The following ATP8B4 variants were observed in gnomAD, a reference collection of about 807,000 sequenced individuals.
The protein encoded by ATP8B4 is probable phospholipid-transporting ATPase IM.
In ATP8B4, 133 loss-of-function variants were observed where a neutral mutation model predicts 145.6. That is an observed-to-expected ratio of 0.91 (90% CI 0.79 to 1.05). The LOEUF (loss-of-function observed/expected upper bound fraction) is 1.05. ATP8B4 is among the 50% of genes least tolerant of loss of function. The pLI, the probability that ATP8B4 is intolerant of heterozygous loss-of-function variation, is 0.00. For synonymous variants in ATP8B4, 507 were observed against 492.9 expected (o/e 1.03, Z -0.38); for missense variants, 1,458 against 1,425.2 (o/e 1.02, Z -0.37).
intron 3 of ATP8B4, among the ~76,000 whole-genome samples, chr15:50,068,887 CTT>C (rs1200276936): frequency 1.3e-5 from 2 of 152,248 alleles, no homozygotes; most frequent in East Asian, 3.9e-4. Flanking sequence ...TAAGCTAACA[CTT>C]TTTCTGATCT....
intron 20 of ATP8B4, among the ~76,000 whole-genome samples, chr15:49,914,234 T>A (rs183051451): frequency 6.6e-6 from 1 of 152,022 alleles, no homozygotes; most frequent in Non-Finnish European, 1.5e-5. Context: ...AGAACAGACA[T>A]CCTCTTCAAT....
At chr15:49,907,084 G>A (rs893753491) in intron 20 of ATP8B4, among the ~76,000 whole-genome samples, 1 of 152,190 alleles carries the variant, frequency 6.6e-6, no homozygotes, top group Admixed American at 6.5e-5. Context: ...TCAGCCAAGA[G>A]GGAAAGCCAA....
At chr15:50,047,279 T>C (rs544643471) in intron 4 of ATP8B4, 72 bp downstream of exon 4, 20 of 947,774 alleles carry the variant, frequency 2.1e-5, no homozygotes, top group African/African-American at 1.7e-4. Context: ...GCTAAGTAAA[T>C]TGACTTACTT....
intron 1 of ATP8B4, among the ~76,000 whole-genome samples, chr15:50,178,556 T>A (rs1399104902): frequency 1.3e-5 from 2 of 152,192 alleles, no homozygotes; most frequent in Non-Finnish European, 2.9e-5. Context: ...TGAGATGGGG[T>A]CTCACTGTGT....
Position 50,072,030 on chromosome 15 carries a change from TAATA to T in ATP8B4, c.87+2093_87+2096del, listed in dbSNP as rs1373304171. 4.0e-5 allele frequency among the ~76,000 whole-genome samples: 6 copies of T among 150,466 alleles called. No individual in the cohort carries two copies. The East Asian group carries it at 9.7e-4, about 24-fold the overall frequency. ...ACCTCTCCTAAATATTAATAAATATTAATAAATATTAATATTAATTAATTAATAA... is the reference window on the plus strand; with the variant it reads ...ACCTCTCCTAAATATTAATAAATATTAATATTAATATTAATTAATTAATAA... On this transcript the variant is annotated intron_variant, in intron 3 of 27. Coordinates refer to ENST00000284509, the MANE Select transcript of ATP8B4 (RefSeq NM_024837.4).
At chr15:49,992,322 T>C (rs1346987144) in intron 9 of ATP8B4, among the ~76,000 whole-genome samples, 1 of 152,116 alleles carries the variant, frequency 6.6e-6, no homozygotes, top group Non-Finnish European at 1.5e-5. Flanking sequence ...AAGTCTGTCT[T>C]CTCCCCTGGG....
At chr15:49,861,741 A>G in intron 27 of ATP8B4, among the ~76,000 whole-genome samples, 1 of 152,190 alleles carries the variant, frequency 6.6e-6, no homozygotes, top group East Asian at 1.9e-4. Flanking sequence ...TTCCAAGTGT[A>G]CTAATCTACC....
In ATP8B4 at chr15:49,917,023, G is replaced by C; in HGVS notation, c.2052C>G (p.Ile684Met). ...TGDKQETAIN[I>M]GYACNMLTDD... ...CAGTCAGCATGTTGCAGGCATAACCGATGTTGATGGCAGTTTCTAACACAA... is the reference window on the plus strand; with the variant it reads ...CAGTCAGCATGTTGCAGGCATAACCCATGTTGATGGCAGTTTCTAACACAA... Residue 684 changes from isoleucine to methionine, a missense_variant, in exon 20 of 28, where the codon ATC (isoleucine) becomes ATG (methionine). Coordinates refer to ENST00000284509, the MANE Select transcript of ATP8B4 (RefSeq NM_024837.4). 8 of 1,613,810 alleles carry C rather than the reference G, an allele frequency of 5.0e-6. No homozygotes were observed. Among genetic ancestry groups the C allele is most frequent in the Non-Finnish European group, 6.8e-6 (8 of 1,179,830 alleles).
At position 50,025,406 on chromosome 15, in the gene ATP8B4, T is replaced by C. The variant is rs548810567; in HGVS notation, c.362+13362A>G. On this transcript the variant is annotated intron_variant, in intron 6 of 27. Coordinates refer to ENST00000284509, the MANE Select transcript of ATP8B4 (RefSeq NM_024837.4). ...TCTGCCCCTGCTCTTCTCTCCGCCT[T>C]ATTCTCTGGACTTCTGCCAATCAGT... 9.4e-4 allele frequency among the ~76,000 whole-genome samples: 143 copies of C among 152,214 alleles called. 3 individuals carry two copies. Among genetic ancestry groups the C allele is most frequent in the Non-Finnish European group, 6.8e-4 (46 of 68,030 alleles).
intron 1 of ATP8B4, among the ~76,000 whole-genome samples, chr15:50,174,204 G>A (rs1207246806): frequency 6.6e-6 from 1 of 152,128 alleles, no homozygotes; most frequent in Non-Finnish European, 1.5e-5. Flanking sequence ...ATGGGGAAAA[G>A]CTGAAAGCAT....
intron 3 of ATP8B4, among the ~76,000 whole-genome samples, chr15:50,071,252 T>G (rs964376516): frequency 6.6e-6 from 1 of 152,208 alleles, no homozygotes; most frequent in Non-Finnish European, 1.5e-5. Flanking sequence ...AAGAAAGATC[T>G]GAAGCAATGG....
intron 23 of ATP8B4, among the ~76,000 whole-genome samples, chr15:49,894,594 T>C (rs1178213432): frequency 6.6e-6 from 1 of 152,208 alleles, no homozygotes; most frequent in Non-Finnish European, 1.5e-5. Flanking sequence ...TATTGTATCA[T>C]ATTAATATTA....
At chr15:50,015,986 A>G (rs530530404) in intron 6 of ATP8B4, among the ~76,000 whole-genome samples, 18 of 152,322 alleles carry the variant, frequency 1.2e-4, no homozygotes, top group African/African-American at 4.3e-4. Flanking sequence ...GTAGTGCTAT[A>G]GCATGGAGAA....
intron 18 of ATP8B4, 113 bp downstream of exon 18, chr15:49,920,133 G>C: frequency 1.5e-6 from 2 of 1,328,462 alleles, no homozygotes; most frequent in Non-Finnish European, 1.0e-6. Flanking sequence ...GATTGAAAGA[G>C]AAACATCTGC....
intron 2 of ATP8B4, among the ~76,000 whole-genome samples, chr15:50,091,377 A>G (rs1185304560): frequency 6.6e-6 from 1 of 152,222 alleles, no homozygotes; most frequent in African/African-American, 2.4e-5. Context: ...AAAGCATTTT[A>G]CAATAAAGTA....
chr15:50,061,730 C>A (rs570945212), intron 3 of ATP8B4, among the ~76,000 whole-genome samples: 1 of 152,246 alleles, frequency 6.6e-6, no homozygotes, highest in African/African-American at 2.4e-5. Context: ...TTCCCCAAAT[C>A]CAGACAGGGA....
chr15:50,091,911 A>AAT (rs2055636079), intron 2 of ATP8B4, among the ~76,000 whole-genome samples: 1 of 152,168 alleles, frequency 6.6e-6, no homozygotes, highest in South Asian at 2.1e-4. Flanking sequence ...TGCTAGAGGA[A>AAT]ATATACATAG....
At chr15:50,050,019 C>T (rs1160375935) in intron 3 of ATP8B4, among the ~76,000 whole-genome samples, 1 of 152,148 alleles carries the variant, frequency 6.6e-6, no homozygotes, top group African/African-American at 2.4e-5. Flanking sequence ...TAGACCAAGT[C>T]TAAGGCCTTT....
chr15:50,143,327 T>C (rs1176993695), intron 1 of ATP8B4, among the ~76,000 whole-genome samples: 1 of 152,222 alleles, frequency 6.6e-6, no homozygotes, highest in Non-Finnish European at 1.5e-5. Flanking sequence ...CCCAGGGGCT[T>C]GACTGGGGCT....
Sources: allele counts gnomAD v4.1 joint callset (sites outside exome capture counted in the v4.1 genomes callset), GRCh38; gene constraint gnomAD v4.1.1; transcripts MANE v1.5; gene names NCBI Gene and HGNC (gene_info 2026-07-23, HGNC 2026-07-21).